The following HINT3 variants were observed in gnomAD, a reference collection of about 807,000 sequenced individuals.
HINT3 encodes adenosine 5'-monophosphoramidase HINT3.
HINT3 carries 16 observed loss-of-function variants against 19.1 expected under a neutral mutation model. That is an observed-to-expected ratio of 0.84 (90% CI 0.57 to 1.27). HINT3 has a LOEUF of 1.27. Ranked by LOEUF, HINT3 falls within the 50% of genes most tolerant of loss-of-function variation. The pLI is 0.00. For synonymous variants in HINT3, 75 were observed against 84.8 expected (o/e 0.88, Z 0.63); for missense variants, 197 against 225.8 (o/e 0.87, Z 0.82).
intron 1 of HINT3, among the ~76,000 whole-genome samples, chr6:125,963,268 T>C (rs984709153): frequency 6.6e-6 from 1 of 152,114 alleles, no homozygotes; most frequent in African/African-American, 2.4e-5. Flanking sequence ...TGATAAGGTA[T>C]TCAAAAGGGG....
In HINT3 at chr6:125,956,964, G is replaced by T; in HGVS notation, c.-14G>T. 6.5e-7 allele frequency: 1 copy of T among 1,548,760 alleles called. No homozygotes were observed. On this transcript the variant is annotated 5_prime_UTR_variant, in exon 1 of 5. Transcript: ENST00000229633. ...TGGAGAGGCCGAGGCTCTAGGCCGC[G>T]AGGGGCGGGTGCAATGGCGGAGGAA... is the stretch of plus-strand genomic sequence containing the variant.
chr6:125,964,541 A>T (rs986358616), intron 1 of HINT3, among the ~76,000 whole-genome samples: 1 of 152,110 alleles, frequency 6.6e-6, no homozygotes, highest in Non-Finnish European at 1.5e-5. Flanking sequence ...GCTGTTTTTT[A>T]AAAAAACTTG....
intron 3 of HINT3, among the ~76,000 whole-genome samples, chr6:125,973,638 T>G (rs957261111): frequency 6.6e-6 from 1 of 152,210 alleles, no homozygotes; most frequent in Non-Finnish European, 1.5e-5. Context: ...TGAGATTCTC[T>G]GTGTGAAAAA....
chr6:125,974,703 A>G, intron 3 of HINT3, 144 bp from the exon 4 acceptor site: 1 of 758,976 alleles, frequency 1.3e-6, no homozygotes, highest in Non-Finnish European at 2.1e-6. Context: ...TGAAGTGCAT[A>G]AAGAGAAACA....
At chr6:125,965,366 A>G (rs992993244) in intron 1 of HINT3, among the ~76,000 whole-genome samples, 2 of 152,208 alleles carry the variant, frequency 1.3e-5, no homozygotes, top group Non-Finnish European at 2.9e-5. Flanking sequence ...TTAATGCCGT[A>G]ATTGAGGGGA....
intron 4 of HINT3, among the ~76,000 whole-genome samples, chr6:125,976,799 A>G (rs1190753765): frequency 6.6e-6 from 1 of 152,194 alleles, no homozygotes; most frequent in African/African-American, 2.4e-5. Flanking sequence ...AAGATATTGA[A>G]GTTAATTTCA....
Position 125,978,786 on chromosome 6 carries a change from T to G in HINT3, c.*1110T>G, listed in dbSNP as rs778310879. 9.2e-5 allele frequency: 14 copies of G among 152,302 alleles called. No individual in the cohort carries two copies. The highest frequency in any genetic ancestry group is 1.9e-4 in the Non-Finnish European group (13 of 68,030). The allele number at this position is 152,302 out of a possible 1,614,324, so 9.4% of individuals were successfully genotyped here. A position where few individuals can be genotyped will look rare whatever the true frequency, so the allele number is the denominator to read the frequency against. ...TTTAGAGGGGGCATGATATTAAAGA[T>G]AGTTTTAAGTAACAAATTACTTATT... is the stretch of plus-strand genomic sequence containing the variant. On this transcript the variant is annotated 3_prime_UTR_variant, in exon 5 of 5. Coordinates refer to ENST00000229633, the MANE Select transcript of HINT3 (RefSeq NM_138571.5).
At chr6:125,960,655 T>TG (rs1310946166) in intron 1 of HINT3, among the ~76,000 whole-genome samples, 1,086 of 76,238 alleles carry the variant, frequency 0.014, 80 homozygotes, top group Non-Finnish European at 0.017. Flanking sequence ...AGACTCTCTC[T>TG]GGGGGGGGGG....
At chr6:125,957,312 C>A in intron 1 of HINT3, 134 bp downstream of exon 1, 1 of 966,342 alleles carries the variant, frequency 1.0e-6, no homozygotes, top group Non-Finnish European at 1.5e-6. Flanking sequence ...CAGGGCCGCT[C>A]TGTGTGGATG....
At chr6:125,963,085 A>G (rs909064302) in intron 1 of HINT3, among the ~76,000 whole-genome samples, 3 of 152,178 alleles carry the variant, frequency 2.0e-5, no homozygotes, top group African/African-American at 7.2e-5. Context: ...AGCATCCCCG[A>G]TCTCGGCGCA....
At chr6:125,962,194 A>G (rs1178664787) in intron 1 of HINT3, among the ~76,000 whole-genome samples, 1 of 45,256 alleles carries the variant, frequency 2.2e-5, no homozygotes, top group Non-Finnish European at 3.4e-5. Context: ...ATACACATAT[A>G]TATATATATA....
intron 2 of HINT3, among the ~76,000 whole-genome samples, chr6:125,969,453 G>T (rs1789067868): frequency 6.6e-6 from 1 of 152,078 alleles, no homozygotes; most frequent in African/African-American, 2.4e-5. Context: ...CTCTAGCATT[G>T]TTCTTTTTGC....
intron 1 of HINT3, among the ~76,000 whole-genome samples, chr6:125,961,354 C>T (rs2128710558): frequency 6.6e-6 from 1 of 152,188 alleles, no homozygotes; most frequent in East Asian, 1.9e-4. Context: ...GCAGCAGACA[C>T]CAGCTGGTTG....
Position 125,975,463 on chromosome 6 carries a change from A to G in HINT3, c.516+490A>G, listed in dbSNP as rs115840253. Among the ~76,000 whole-genome samples, 981 of 152,196 alleles carry G rather than the reference A, an allele frequency of 6.4e-3. 5 individuals are homozygous for G. The highest frequency in any genetic ancestry group is 0.022 in the African/African-American group (930 of 41,518). Reference sequence around the variant, plus strand: ...TAAGTGTCAGGAAATGTTACCTGCTACCTCTATTGTATCATCAACATCATT... The same window carrying G: ...TAAGTGTCAGGAAATGTTACCTGCTGCCTCTATTGTATCATCAACATCATT... On this transcript the variant is annotated intron_variant, in intron 4 of 4. Transcript: ENST00000229633.
chr6:125,959,443 C>G (rs1457055253), intron 1 of HINT3, among the ~76,000 whole-genome samples: 1 of 152,200 alleles, frequency 6.6e-6, no homozygotes, highest in African/African-American at 2.4e-5. Flanking sequence ...TATTAGCCTG[C>G]CTTCATCCTC....
intron 4 of HINT3, 22 bp from the exon 5 acceptor site, chr6:125,977,622 A>G (rs1465806233): frequency 1.2e-5 from 16 of 1,323,418 alleles, no homozygotes; most frequent in Non-Finnish European, 1.7e-5. Context: ...CTAGAATTAA[A>G]AAGTATGTTT....
At chr6:125,961,607 AC>A (rs1788927578) in intron 1 of HINT3, among the ~76,000 whole-genome samples, 1 of 152,172 alleles carries the variant, frequency 6.6e-6, no homozygotes, top group Non-Finnish European at 1.5e-5. Context: ...TAGAGGATAT[AC>A]CAAAGGATGC....
chr6:125,972,121 A>G, intron 2 of HINT3, 138 bp from the exon 3 acceptor site: 2 of 593,162 alleles, frequency 3.4e-6, no homozygotes, highest in Non-Finnish European at 5.9e-6. Flanking sequence ...TGTTGGGATT[A>G]CAGGGGTGAG....
chr6:125,965,986 T>C (rs1789011580), intron 1 of HINT3, among the ~76,000 whole-genome samples: 1 of 152,208 alleles, frequency 6.6e-6, no homozygotes, highest in African/African-American at 2.4e-5. Flanking sequence ...GAATTTTGGC[T>C]CTTGGAACAG....
Sources: gnomAD v4.1 joint callset for allele counts (sites outside exome capture counted in the v4.1 genomes callset) on GRCh38, gnomAD v4.1.1 for gene constraint, MANE v1.5 for transcripts, NCBI Gene and HGNC (gene_info 2026-07-23, HGNC 2026-07-21) for gene names.